Variants in ANKS1B observed in about 807,000 individuals in gnomAD.
The protein encoded by ANKS1B is ankyrin repeat and sterile alpha motif domain containing 1B, also known as ankyrin repeat and sterile alpha motif domain-containing protein 1B.
Under a neutral mutation model 148.3 loss-of-function variants are expected in ANKS1B, and 36 were observed. The ratio of observed to expected loss-of-function variants is 0.24; its 90% confidence interval spans 0.19 to 0.32. The LOEUF is 0.32. Ranked by LOEUF, ANKS1B falls within the 10% of genes least tolerant of loss-of-function variation. The pLI is 1.00. For synonymous variants in ANKS1B, 542 were observed against 560.8 expected, an observed-to-expected ratio of 0.97 and a Z score of 0.47; for missense variants, 1,157 against 1,542.6, an observed-to-expected ratio of 0.75 and a Z score of 4.19.
At chr12:99,959,227 ATTT>A (rs71088166) in intron 1 of ANKS1B, among the ~76,000 whole-genome samples, 12 of 99,854 alleles carry the variant, frequency 1.2e-4, no homozygotes, top group South Asian at 3.8e-4. Context: ...CACCCAGTTA[ATTT>A]TTTTTTTTTT....
intron 8 of ANKS1B, among the ~76,000 whole-genome samples, chr12:99,693,905 C>T (rs1433314204): frequency 2.0e-5 from 3 of 151,254 alleles, no homozygotes; most frequent in African/African-American, 7.3e-5. Context: ...CTCAGCCTCC[C>T]GAGTAGCTAG....
intron 9 of ANKS1B, among the ~76,000 whole-genome samples, chr12:99,562,419 C>T (rs536785036): frequency 1.3e-5 from 2 of 152,306 alleles, no homozygotes; most frequent in African/African-American, 4.8e-5. Context: ...TATGAAAGTC[C>T]TACATGGCAT....
In ANKS1B at chr12:98,993,092, T is replaced by A. The variant is rs369762843; in HGVS notation, c.2778+60065A>T. Among the ~76,000 whole-genome samples the A allele has an allele frequency of 1.6e-3, 238 of 152,360 alleles. 6 individuals carry two copies. The South Asian group carries it at 0.044, about 28-fold the overall frequency. The stretch of plus-strand genomic sequence containing the variant: ...TTTAAAGCATGAAATGCTCTGAATA[T>A]CAATGAACCCAATCACATTTGGGTA... On this transcript the variant is annotated intron_variant, in intron 17 of 26. Transcript: ENST00000683438.
intron 17 of ANKS1B, among the ~76,000 whole-genome samples, chr12:99,046,809 AAAAAAAAG>A (rs928725230): frequency 5.4e-5 from 4 of 73,888 alleles, no homozygotes; most frequent in Admixed American, 3.4e-4. Context: ...CTCTGTCTTA[AAAAAAAAG>A]AAAAAAAAAA....
intron 16 of ANKS1B, among the ~76,000 whole-genome samples, chr12:99,065,957 G>A (rs2044167242): frequency 6.6e-6 from 1 of 152,132 alleles, no homozygotes; most frequent in Non-Finnish European, 1.5e-5. Flanking sequence ...TGTGGCAGGT[G>A]CAGTATTAAA....
chr12:98,954,422 A>G (rs373494378), intron 17 of ANKS1B: 11 of 152,336 alleles, frequency 7.2e-5, no homozygotes, highest in African/African-American at 2.6e-4. Flanking sequence ...AAATTCAGGT[A>G]TTGCCAATGA....
At chr12:99,581,638 C>A (rs1175565367) in intron 9 of ANKS1B, among the ~76,000 whole-genome samples, 1 of 151,998 alleles carries the variant, frequency 6.6e-6, no homozygotes, top group Non-Finnish European at 1.5e-5. Context: ...CGCCTGTAAT[C>A]CCAGCACTTT....
chr12:99,239,938 A>G (rs1321325313), intron 14 of ANKS1B, among the ~76,000 whole-genome samples: 1 of 152,240 alleles, frequency 6.6e-6, no homozygotes, highest in Non-Finnish European at 1.5e-5. Flanking sequence ...GGAAAGGAAC[A>G]ACCGGTACCA....
At chr12:99,768,151 T>C (rs2062831126) in intron 8 of ANKS1B, among the ~76,000 whole-genome samples, 1 of 152,234 alleles carries the variant, frequency 6.6e-6, no homozygotes, top group African/African-American at 2.4e-5. Flanking sequence ...CTTACATTTT[T>C]ATTTCTCCAA....
At chr12:99,172,697 G>A (rs952432646) in intron 14 of ANKS1B, among the ~76,000 whole-genome samples, 1 of 152,092 alleles carries the variant, frequency 6.6e-6, no homozygotes, top group Non-Finnish European at 1.5e-5. Context: ...GTTGCTAGAA[G>A]AGCAATGTTA....
chr12:99,556,276 T>C (rs2097275112), intron 9 of ANKS1B, among the ~76,000 whole-genome samples: 1 of 152,188 alleles, frequency 6.6e-6, no homozygotes, highest in Admixed American at 6.5e-5. Context: ...TCAGTAGTAA[T>C]GTTCCCTTTG....
intron 11 of ANKS1B, among the ~76,000 whole-genome samples, chr12:99,430,580 G>A (rs1183354931): frequency 6.6e-6 from 1 of 152,120 alleles, no homozygotes; most frequent in African/African-American, 2.4e-5. Context: ...TACCATTAGA[G>A]TAACATCCTC....
chr12:99,664,421 A>G (rs1239120454), intron 8 of ANKS1B, among the ~76,000 whole-genome samples: 2 of 151,884 alleles, frequency 1.3e-5, no homozygotes, highest in Non-Finnish European at 2.9e-5. Context: ...CAAAATAGAA[A>G]GAAAACAAAT....
intron 12 of ANKS1B, among the ~76,000 whole-genome samples, chr12:99,280,172 A>ATG (rs376371933): frequency 0.077 from 11,239 of 146,874 alleles, 875 homozygotes; most frequent in African/African-American, 0.22. Flanking sequence ...GTGTGTGTGT[A>ATG]TGTGTGTGTG....
chr12:99,515,143 C>T (rs2096803874), intron 9 of ANKS1B, among the ~76,000 whole-genome samples: 1 of 151,650 alleles, frequency 6.6e-6, no homozygotes, highest in African/African-American at 2.4e-5. Flanking sequence ...GGTATCCATC[C>T]CTTCAAGCAT....
chr12:99,270,608 C>T (rs1261379316), intron 12 of ANKS1B, among the ~76,000 whole-genome samples: 3 of 152,162 alleles, frequency 2.0e-5, no homozygotes, highest in Non-Finnish European at 4.4e-5. Context: ...TAATTCAGGT[C>T]CTTATAATAT....
chr12:98,802,978 G>C (rs1169223808), intron 20 of ANKS1B, among the ~76,000 whole-genome samples: 1 of 151,876 alleles, frequency 6.6e-6, no homozygotes, highest in Non-Finnish European at 1.5e-5. Context: ...ATTTTTGTCT[G>C]TTTTATTATC....
At chr12:99,767,247 A>C (rs1348789580) in intron 8 of ANKS1B, among the ~76,000 whole-genome samples, 1 of 152,132 alleles carries the variant, frequency 6.6e-6, no homozygotes, top group Non-Finnish European at 1.5e-5. Context: ...TGCTGAACAA[A>C]ATTGCACAAA....
intron 10 of ANKS1B, among the ~76,000 whole-genome samples, chr12:99,445,257 A>G (rs1311044283): frequency 2.0e-5 from 3 of 152,004 alleles, no homozygotes; most frequent in Non-Finnish European, 4.4e-5. Flanking sequence ...TCTAAAAACT[A>G]CACATGTAAG....
Sources: allele counts gnomAD v4.1 joint callset (sites outside exome capture counted in the v4.1 genomes callset), GRCh38; gene constraint gnomAD v4.1.1; transcripts MANE v1.5; gene names NCBI Gene and HGNC (gene_info 2026-07-23, HGNC 2026-07-21).